PRDM5: variants seen among roughly 807,000 people sequenced by gnomAD.
The protein encoded by PRDM5 is PR/SET domain 5.
A neutral mutation model predicts 81.2 loss-of-function variants in PRDM5; 56 were observed. That is an observed-to-expected ratio of 0.69 (90% CI 0.56 to 0.86). The LOEUF (loss-of-function observed/expected upper bound fraction) is 0.86, where lower values mean the gene tolerates loss of function less well. Ranked by LOEUF, PRDM5 falls within the 40% of genes least tolerant of loss-of-function variation. The pLI is 0.00. For missense variants in PRDM5, 697 were observed against 770.1 expected (o/e 0.91, Z 1.12); for synonymous variants, 267 against 256.4 (o/e 1.04, Z -0.39).
At chr4:120,787,384 CT>C (rs1325772402) in intron 10 of PRDM5, among the ~76,000 whole-genome samples, 5 of 152,098 alleles carry the variant, frequency 3.3e-5, no homozygotes. Context: ...GGAATTTTGT[CT>C]TTTATTCTAA....
chr4:120,821,091 A>G, intron 4 of PRDM5, 80 bp downstream of exon 4: 1 of 1,464,444 alleles, frequency 6.8e-7, no homozygotes, highest in Admixed American at 1.7e-5. Context: ...TTACAAGGCA[A>G]CTATAATTCA....
chr4:120,818,246 G>A (rs188834856), intron 5 of PRDM5, 107 bp downstream of exon 5: 36 of 1,185,414 alleles, frequency 3.0e-5, no homozygotes, highest in Admixed American at 2.0e-4. Context: ...AAACATGCGC[G>A]TGCGCGCGTG....
At chr4:120,913,063 T>C (rs1766699692) in intron 1 of PRDM5, among the ~76,000 whole-genome samples, 2 of 152,354 alleles carry the variant, frequency 1.3e-5, no homozygotes, top group East Asian at 1.9e-4. Context: ...TGCCTCCCTA[T>C]ATCCATTCCC....
At chr4:120,788,866 A>C (rs184370973) in intron 10 of PRDM5, among the ~76,000 whole-genome samples, 1 of 152,384 alleles carries the variant, frequency 6.6e-6, no homozygotes, top group East Asian at 1.9e-4. Flanking sequence ...CCATGCATTC[A>C]ATCAACTGGA....
chr4:120,733,893 A>T (rs201494956), intron 14 of PRDM5, among the ~76,000 whole-genome samples: 1 of 31,618 alleles, frequency 3.2e-5, no homozygotes, highest in Non-Finnish European at 6.9e-5. Context: ...ACACAAAAGT[A>T]AAAAAAAAAA....
intron 3 of PRDM5, among the ~76,000 whole-genome samples, chr4:120,830,878 C>T (rs1756632952): frequency 6.6e-6 from 1 of 151,964 alleles, no homozygotes; most frequent in African/African-American, 2.4e-5. Flanking sequence ...ATATCAATCA[C>T]AAATTACTAA....
intron 5 of PRDM5, 50 bp from the exon 6 acceptor site, chr4:120,816,974 TCTAAGA>T: frequency 7.1e-7 from 1 of 1,407,334 alleles, no homozygotes; most frequent in South Asian, 1.2e-5. Context: ...AAACTGGAAC[TCTAAGA>T]CAAAAATGAA....
chr4:120,794,872 C>T (rs186360059), intron 10 of PRDM5, among the ~76,000 whole-genome samples: 15 of 152,212 alleles, frequency 9.9e-5, no homozygotes, highest in African/African-American at 3.1e-4. Flanking sequence ...CGGATCCACC[C>T]ACCTCATCCT....
intron 12 of PRDM5, among the ~76,000 whole-genome samples, chr4:120,778,555 A>C (rs1196282410): frequency 6.6e-6 from 1 of 152,152 alleles, no homozygotes; most frequent in Non-Finnish European, 1.5e-5. Flanking sequence ...TGGTATTAAA[A>C]TGTGTATTTG....
At chr4:120,824,906 A>G (rs1193573060) in intron 3 of PRDM5, among the ~76,000 whole-genome samples, 1 of 152,170 alleles carries the variant, frequency 6.6e-6, no homozygotes, top group Admixed American at 6.5e-5. Context: ...GGAAATCGTG[A>G]GTACTTTGTA....
chr4:120,816,767 A>G (rs1754572098), intron 6 of PRDM5, 65 bp downstream of exon 6: 1 of 1,515,374 alleles, frequency 6.6e-7, no homozygotes, highest in Non-Finnish European at 9.2e-7. Context: ...AAGAAGCATG[A>G]AAGTATGCAT....
intron 2 of PRDM5, among the ~76,000 whole-genome samples, chr4:120,870,539 G>A (rs1761672404): frequency 6.6e-6 from 1 of 152,156 alleles, no homozygotes; most frequent in Admixed American, 6.5e-5. Context: ...AGAATAGCAG[G>A]GAGAGGCCCC....
At chr4:120,766,148 T>C (rs766822100) in intron 13 of PRDM5, among the ~76,000 whole-genome samples, 1 of 152,094 alleles carries the variant, frequency 6.6e-6, no homozygotes, top group Non-Finnish European at 1.5e-5. Flanking sequence ...TTAGTAGAGA[T>C]AGGGTTTCAC....
At chr4:120,727,325 G>T (rs1431132597) in intron 14 of PRDM5, among the ~76,000 whole-genome samples, 1 of 148,086 alleles carries the variant, frequency 6.8e-6, no homozygotes, top group African/African-American at 2.5e-5. Flanking sequence ...GTGTGTGTAT[G>T]AAATGAAACA....
intron 2 of PRDM5, among the ~76,000 whole-genome samples, chr4:120,857,302 G>A (rs1254735638): frequency 2.0e-5 from 3 of 152,130 alleles, no homozygotes; most frequent in Non-Finnish European, 2.9e-5. Flanking sequence ...AAGTTGCTGT[G>A]AACCGAGATC....
chr4:120,739,667 G>A (rs1361224465), intron 14 of PRDM5, among the ~76,000 whole-genome samples: 2 of 151,336 alleles, frequency 1.3e-5, no homozygotes, highest in Non-Finnish European at 2.9e-5. Flanking sequence ...ATGAAATCAA[G>A]CTTACTTTAA....
intron 9 of PRDM5, 45 bp downstream of exon 9, chr4:120,799,616 T>A (rs1511309): frequency 1.4e-5 from 22 of 1,596,354 alleles, no homozygotes; most frequent in Non-Finnish European, 1.8e-5. Context: ...CAATGTAATT[T>A]TTTTGTAATG....
At chr4:120,684,862 TTAA>T (rs1308644572), downstream of PRDM5, 1 of 151,880 alleles carries the variant, frequency 6.6e-6, no homozygotes, top group African/African-American at 2.4e-5. Context: ...GAATATTACA[TTAA>T]TATTATTTTT....
In PRDM5 at chr4:120,694,994, A is replaced by T; in HGVS notation, c.*117T>A. 1 of 1,223,590 alleles carries T rather than the reference A, an allele frequency of 8.2e-7. No homozygotes were observed. Among genetic ancestry groups the T allele is most frequent in the Non-Finnish European group, 1.2e-6 (1 of 835,182 alleles). The allele number at this position is 1,223,590 out of a possible 1,614,324, so 75.8% of individuals were successfully genotyped here. On this transcript the variant is annotated 3_prime_UTR_variant, in exon 16 of 16. Coordinates refer to ENST00000264808, the MANE Select transcript of PRDM5 (RefSeq NM_018699.4). ...TACAGACTCTAAATGTAGGCAAATA[A>T]GAACTATGAGACCAGTAAGTCACTT...
Sources: gnomAD v4.1 joint callset for allele counts (sites outside exome capture counted in the v4.1 genomes callset) on GRCh38, gnomAD v4.1.1 for gene constraint, MANE v1.5 for transcripts, NCBI Gene and HGNC (gene_info 2026-07-23, HGNC 2026-07-21) for gene names.